STAG1: variants seen among roughly 807,000 people sequenced by gnomAD.
STAG1 encodes the protein STAG1 cohesin complex component.
A neutral mutation model predicts 170.9 loss-of-function variants in STAG1; 26 were observed. The ratio of observed to expected loss-of-function variants is 0.15; its 90% CI spans 0.11 to 0.21. The LOEUF (loss-of-function observed/expected upper bound fraction) is 0.21. STAG1 is among the 10% of genes least tolerant of loss of function. The pLI is 1.00. For synonymous variants in STAG1, 514 were observed against 497.7 expected, an observed-to-expected ratio of 1.03 and a Z score of -0.44; for missense variants, 964 against 1,509.5, an observed-to-expected ratio of 0.64 and a Z score of 5.99.
intron 1 of STAG1, among the ~76,000 whole-genome samples, chr3:136,651,046 A>G (rs564140277): frequency 4.6e-5 from 7 of 152,290 alleles, no homozygotes; most frequent in African/African-American, 1.4e-4. Context: ...TTCTGTCAGA[A>G]ATATCCAATG....
chr3:136,472,148 A>T (rs1304135786), intron 12 of STAG1, among the ~76,000 whole-genome samples: 1 of 152,166 alleles, frequency 6.6e-6, no homozygotes, highest in East Asian at 1.9e-4. Flanking sequence ...GCTTTGTTTT[A>T]AACAGAAAGG....
Position 136,392,471 on chromosome 3 carries a change from A to C in STAG1, c.2277+6278T>G, listed in dbSNP as rs147322613. Among the ~76,000 whole-genome samples, 203 of 152,214 alleles carry C rather than the reference A, an allele frequency of 1.3e-3. 1 individual carries two copies. The highest frequency in any genetic ancestry group is 4.8e-3 in the African/African-American group (198 of 41,544). ...CAAATATATTAAAGAAAAAGCACTA[A>C]AGAAAATAAACCAGGCTGGGCGCAG... On this transcript the variant is annotated intron_variant, in intron 22 of 33. Transcript: ENST00000383202.
intron 1 of STAG1, among the ~76,000 whole-genome samples, chr3:136,704,205 G>A (rs1306107290): frequency 1.3e-5 from 2 of 151,414 alleles, no homozygotes; most frequent in Non-Finnish European, 2.9e-5. Context: ...AGTGCACCAC[G>A]ACGCCTGGCT....
intron 1 of STAG1, among the ~76,000 whole-genome samples, chr3:136,685,368 A>C (rs1942483120): frequency 6.6e-6 from 1 of 152,152 alleles, no homozygotes. Flanking sequence ...CTCACCAAGA[A>C]AATGAACCCA....
chr3:136,361,369 G>A (rs1936856693), intron 26 of STAG1, among the ~76,000 whole-genome samples: 1 of 152,114 alleles, frequency 6.6e-6, no homozygotes, highest in Admixed American at 6.5e-5. Flanking sequence ...AGAGACTGCT[G>A]CAATAAAACA....
At chr3:136,640,520 C>T (rs767267610) in intron 1 of STAG1, among the ~76,000 whole-genome samples, 59 of 151,896 alleles carry the variant, frequency 3.9e-4, no homozygotes, top group Admixed American at 3.1e-3. Context: ...AGGTGCCCGC[C>T]ACCATGCCCG....
chr3:136,683,516 G>T (rs754429998), intron 1 of STAG1, among the ~76,000 whole-genome samples: 10 of 151,950 alleles, frequency 6.6e-5, no homozygotes, highest in African/African-American at 2.4e-4. Flanking sequence ...CACCAGCCTC[G>T]GCCTCCCAAA....
At chr3:136,678,439 T>G (rs1235196890) in intron 1 of STAG1, among the ~76,000 whole-genome samples, 1 of 151,700 alleles carries the variant, frequency 6.6e-6, no homozygotes, top group East Asian at 1.9e-4. Context: ...GGCTTAATTT[T>G]TTTAAGTGTT....
At chr3:136,409,462 G>A (rs924248751) in intron 21 of STAG1, among the ~76,000 whole-genome samples, 8 of 151,772 alleles carry the variant, frequency 5.3e-5, no homozygotes, top group South Asian at 2.1e-4. Flanking sequence ...TTAGCCTCCC[G>A]AGTAGCTGGG....
At chr3:136,390,739 G>A (rs987265631) in intron 22 of STAG1, among the ~76,000 whole-genome samples, 3 of 152,180 alleles carry the variant, frequency 2.0e-5, no homozygotes, top group African/African-American at 7.2e-5. Context: ...CTGCAGATAG[G>A]GAGTTGCTAT....
At chr3:136,604,964 T>C (rs1938865386) in intron 3 of STAG1, among the ~76,000 whole-genome samples, 1 of 152,194 alleles carries the variant, frequency 6.6e-6, no homozygotes, top group Non-Finnish European at 1.5e-5. Flanking sequence ...TTTTAAAAAT[T>C]GCTTTAGTGT....
intron 4 of STAG1, among the ~76,000 whole-genome samples, chr3:136,582,975 C>T (rs532040267): frequency 8.5e-4 from 129 of 152,220 alleles, no homozygotes; most frequent in African/African-American, 2.9e-3. Context: ...TCTCTTTGTG[C>T]ATAGACTAGT....
intron 12 of STAG1, among the ~76,000 whole-genome samples, chr3:136,465,248 C>A (rs2089419054): frequency 1.5e-5 from 2 of 132,370 alleles, no homozygotes; most frequent in African/African-American, 5.6e-5. Flanking sequence ...GAGACAGAGT[C>A]TTGCTCTGTC....
chr3:136,622,615 T>C (rs77554019), intron 3 of STAG1, among the ~76,000 whole-genome samples: 2,622 of 152,234 alleles, frequency 0.017, 81 homozygotes, highest in African/African-American at 0.06. Context: ...AAAGCAAACA[T>C]AGAACAGTAT....
At chr3:136,583,743 C>G (rs138597694) in intron 4 of STAG1, among the ~76,000 whole-genome samples, 4 of 152,234 alleles carry the variant, frequency 2.6e-5, no homozygotes, top group South Asian at 4.2e-4. Flanking sequence ...GAGCCAAGAT[C>G]GTGCCATGGC....
rs559795868 is a variant in STAG1, at chr3:136,358,854, G to A, written c.2936+294C>T. 2.6e-5 allele frequency among the ~76,000 whole-genome samples: 4 copies of A among 152,202 alleles called. No individual in the cohort carries two copies. In the South Asian group the frequency reaches 8.3e-4, roughly 32 times the overall value. Reference sequence around the variant, plus strand: ...CTCCCAAAGCACTGGGATTACAGGCGTGAACCACCACACCCAGCCTGTATA... The same window carrying A: ...CTCCCAAAGCACTGGGATTACAGGCATGAACCACCACACCCAGCCTGTATA... On this transcript the variant is annotated intron_variant, in intron 27 of 33. Transcript: ENST00000383202.
intron 1 of STAG1, among the ~76,000 whole-genome samples, chr3:136,733,506 T>C (rs1934159853): frequency 6.6e-6 from 1 of 152,164 alleles, no homozygotes. Flanking sequence ...ATTTTACAGA[T>C]GAGAAAACTG....
intron 21 of STAG1, among the ~76,000 whole-genome samples, chr3:136,405,132 C>T (rs1278944910): frequency 6.6e-6 from 1 of 151,408 alleles, no homozygotes; most frequent in African/African-American, 2.4e-5. Flanking sequence ...AATTAACATC[C>T]TCTTCAAAAA....
In STAG1 at chr3:136,337,898, T is replaced by C. The variant is rs1003005420; in HGVS notation, c.*356A>G. On this transcript the variant is annotated 3_prime_UTR_variant, in exon 34 of 34. Transcript: ENST00000383202. The stretch of plus-strand genomic sequence containing the variant: ...AAGTTAAAAATATGTTTTTTTTTAC[T>C]CAATGTTGAGTTTTCATAAAACAGG... 8.3e-5 allele frequency: 16 copies of C among 193,938 alleles called. No homozygotes were observed. Among genetic ancestry groups the C allele is most frequent in the African/African-American group, 3.5e-4 (15 of 43,398 alleles). 12.0% of individuals were successfully genotyped at this position (193,938 alleles called of 1,614,324 possible). A position where few individuals can be genotyped will look rare whatever the true frequency, so the allele number is the denominator to read the frequency against.
Sources: allele counts gnomAD v4.1 joint callset (sites outside exome capture counted in the v4.1 genomes callset), GRCh38; gene constraint gnomAD v4.1.1; transcripts MANE v1.5; gene names NCBI Gene and HGNC (gene_info 2026-07-23, HGNC 2026-07-21).